ANK2: variants seen among roughly 807,000 people sequenced by gnomAD.
The protein encoded by ANK2 is ankyrin-2.
A neutral mutation model predicts 360.5 loss-of-function variants in ANK2; 83 were observed. The ratio of observed to expected loss-of-function variants is 0.23; its 90% confidence interval spans 0.19 to 0.28. The LOEUF (loss-of-function observed/expected upper bound fraction) is 0.28. Ranked by LOEUF, ANK2 falls within the 10% of genes least tolerant of loss-of-function variation. The probability of loss-of-function intolerance (pLI) is 1.00; values close to 1 mark genes in which losing one functional copy is unlikely to be tolerated. For synonymous variants in ANK2, 1,740 were observed against 1,759.5 expected, an observed-to-expected ratio of 0.99 and a Z score of 0.28; for missense variants, 4,201 against 4,795.7, an observed-to-expected ratio of 0.88 and a Z score of 3.66.
At chr4:113,264,749 T>C in intron 13 of ANK2, 148 bp from the exon 14 acceptor site, 6 of 748,196 alleles carry the variant, frequency 8.0e-6, no homozygotes, top group Non-Finnish European at 1.3e-5. Flanking sequence ...TACAAATCTA[T>C]ATTTTCCAGA....
chr4:113,293,396 C>T, intron 21 of ANK2, 44 bp from the exon 22 acceptor site: 1 of 1,551,650 alleles, frequency 6.4e-7, no homozygotes. Context: ...ACATCGCAGT[C>T]CTCTCTCTTA....
intron 2 of ANK2, among the ~76,000 whole-genome samples, chr4:113,005,139 A>G (rs943512739): frequency 1.4e-4 from 22 of 152,194 alleles, no homozygotes; most frequent in African/African-American, 5.3e-4. Context: ...TGCAACTTGT[A>G]TCATAGACAG....
intron 15 of ANK2, among the ~76,000 whole-genome samples, chr4:113,276,030 C>T (rs2060122545): frequency 6.6e-6 from 1 of 151,258 alleles, no homozygotes. Flanking sequence ...CAACCTCTGC[C>T]TCCCGGGTTC....
intron 2 of ANK2, among the ~76,000 whole-genome samples, chr4:113,192,412 A>G (rs1394895851): frequency 6.6e-6 from 1 of 152,162 alleles, no homozygotes; most frequent in Non-Finnish European, 1.5e-5. Flanking sequence ...AACAGAGTCC[A>G]CCCACAGTGC....
Position 113,353,820 on chromosome 4 carries a change from A to G in ANK2, c.5202A>G (p.Glu1734=), listed in dbSNP as rs968645212. 1.2e-5 allele frequency: 19 copies of G among 1,614,074 alleles called. No individual in the cohort carries two copies. The highest frequency in any genetic ancestry group is 1.6e-5 in the Non-Finnish European group (19 of 1,180,000). ...EKAELKKGSS[E]ESLGEDPGLA... ...CTGAACTTAAAAAAGGTAGTTCAGA[A>G]GAGTCATTAGGTGAAGACCCAGGTT... The change falls in exon 38 of 46, where the codon GAA becomes GAG. Residue 1734 remains glutamate (E), a synonymous_variant. Transcript: ENST00000357077.
chr4:113,351,102 C>A (rs1333555918), intron 37 of ANK2, among the ~76,000 whole-genome samples: 1 of 152,028 alleles, frequency 6.6e-6, no homozygotes, highest in Non-Finnish European at 1.5e-5. Context: ...TGTGTGGAAA[C>A]TCCAGTTGAA....
chr4:113,358,181 A>G lies in ANK2; in HGVS notation c.9563A>G (p.Glu3188Gly). The change falls in exon 38 of 46, where the codon GAG (glutamate) becomes GGG (glycine). Residue 3188 changes from glutamate (E) to glycine (G), a missense_variant. By Grantham distance (98) the Glu-to-Gly change is moderately conservative (BLOSUM62 -2). Around this residue, in one of 4 missense-constraint regions of ANK2, gnomAD observed 2,642 missense variants for 2,714.5 expected, o/e 0.97. Transcript: ENST00000357077. ...GACTTACTTCCAGATGACGTGAGTG[A>G]GGAAGTAGAGGAAATACCTGCTTCG... ...EADLLPDDVSEEVEEIPASDA... is the reference protein window; with the variant it reads ...EADLLPDDVSGEVEEIPASDA... 6.2e-7 allele frequency: 1 copy of G among 1,614,082 alleles called. No individual in the cohort carries two copies. The highest frequency in any genetic ancestry group is 8.5e-7 in the Non-Finnish European group (1 of 1,179,974).
intron 9 of ANK2, among the ~76,000 whole-genome samples, chr4:113,246,454 T>A (rs1454215755): frequency 6.6e-6 from 1 of 152,196 alleles, no homozygotes; most frequent in Admixed American, 6.5e-5. Flanking sequence ...TTTACTGGTA[T>A]CTGAAAGACC....
At chr4:112,919,403 C>T (rs931642639) in intron 2 of ANK2, among the ~76,000 whole-genome samples, 2 of 152,090 alleles carry the variant, frequency 1.3e-5, no homozygotes, top group East Asian at 1.9e-4. Flanking sequence ...GAAACTCACT[C>T]GTTGATGGTC....
chr4:112,743,691 C>T, the ANK2 span, among the ~76,000 whole-genome samples: 46 of 148,940 alleles, frequency 3.1e-4, no homozygotes, highest in Non-Finnish European at 5.8e-4. Flanking sequence ...TACAGGTGTG[C>T]GCCACCACAC....
chr4:113,225,521 G>A (rs2099208276), intron 4 of ANK2, among the ~76,000 whole-genome samples: 1 of 152,056 alleles, frequency 6.6e-6, no homozygotes, highest in South Asian at 2.1e-4. Flanking sequence ...TGTAAGGGAA[G>A]AATAAAGTTA....
chr4:112,854,057 A>G (rs1474827714), intron 1 of ANK2, among the ~76,000 whole-genome samples: 1 of 152,218 alleles, frequency 6.6e-6, no homozygotes, highest in East Asian at 1.9e-4. Context: ...AATAAGGACA[A>G]TAGTGCGTTA....
chr4:113,065,884 T>C (rs1275689586), intron 1 of ANK2, among the ~76,000 whole-genome samples: 1 of 152,228 alleles, frequency 6.6e-6, no homozygotes, highest in African/African-American at 2.4e-5. Context: ...GCTCCCAAAC[T>C]AGGTCTGTTG....
chr4:112,894,491 T>C (rs551380807), intron 1 of ANK2, among the ~76,000 whole-genome samples: 15 of 152,326 alleles, frequency 9.8e-5, no homozygotes, highest in Admixed American at 9.1e-4. Flanking sequence ...GCTGATTATG[T>C]TGCTGTTCTA....
At chr4:113,217,025 A>G (rs988347952) in intron 4 of ANK2, 1 of 152,206 alleles carries the variant, frequency 6.6e-6, no homozygotes, top group Non-Finnish European at 1.5e-5. Flanking sequence ...TCATATGCTA[A>G]TCAGAGCTTA....
intron 2 of ANK2, among the ~76,000 whole-genome samples, chr4:112,978,000 T>C (rs1008987514): frequency 6.6e-6 from 1 of 152,204 alleles, no homozygotes; most frequent in Non-Finnish European, 1.5e-5. Context: ...TCCCAGCACT[T>C]TGGGTGGCCG....
chr4:113,119,487 G>T (rs1178248123), intron 1 of ANK2, among the ~76,000 whole-genome samples: 1 of 151,772 alleles, frequency 6.6e-6, no homozygotes. Context: ...CATACCTTAA[G>T]GTGTACATAC....
the ANK2 span, among the ~76,000 whole-genome samples, chr4:112,724,508 T>TA: frequency 6.7e-6 from 1 of 148,942 alleles, no homozygotes; most frequent in African/African-American, 2.5e-5. Flanking sequence ...TACATTCTAG[T>TA]AAAAGAAAGG....
At chr4:112,740,470 C>T in the ANK2 span, among the ~76,000 whole-genome samples, 3 of 151,896 alleles carry the variant, frequency 2.0e-5, no homozygotes, top group Non-Finnish European at 2.9e-5. Flanking sequence ...TTTGGGAGGC[C>T]GAGGTGGGTG....
Sources: gnomAD v4.1 joint callset for allele counts (sites outside exome capture counted in the v4.1 genomes callset) on GRCh38, gnomAD v4.1.1 for gene constraint, gnomAD v4.1.1 regional missense constraint, MANE v1.5 for transcripts, NCBI Gene and HGNC (gene_info 2026-07-23, HGNC 2026-07-21) for gene names.